The following NAV3 variants were observed in gnomAD, a reference collection of about 807,000 sequenced individuals.
NAV3 encodes the protein pore membrane and/or filament interacting like protein 1.
NAV3 carries 87 observed loss-of-function variants against 244.7 expected under a neutral mutation model. The ratio of observed to expected loss-of-function variants is 0.36; its 90% CI spans 0.30 to 0.42. The LOEUF (loss-of-function observed/expected upper bound fraction) is 0.42. Ranked by LOEUF, NAV3 falls within the 20% of genes least tolerant of loss-of-function variation. NAV3 has a pLI of 1.00. For synonymous variants in NAV3, 1,126 were observed against 1,042.2 expected, an observed-to-expected ratio of 1.08 and a Z score of -1.55; for missense variants, 2,663 against 2,893.3, an observed-to-expected ratio of 0.92 and a Z score of 1.83.
At chr12:77,833,455 G>GTC (rs1874068357) in intron 1 of NAV3, among the ~76,000 whole-genome samples, 2 of 152,206 alleles carry the variant, frequency 1.3e-5, no homozygotes, top group African/African-American at 4.8e-5. Context: ...CAGCAGGAGT[G>GTC]GCTTACGTCT....
chr12:78,031,503 G>A (rs970291152), intron 9 of NAV3, among the ~76,000 whole-genome samples: 5 of 151,964 alleles, frequency 3.3e-5, no homozygotes, highest in Non-Finnish European at 7.4e-5. Flanking sequence ...TTTTCCTGAG[G>A]TTGTTATAAG....
chr12:78,083,712 A>G (rs563298504), intron 12 of NAV3, among the ~76,000 whole-genome samples: 3 of 152,246 alleles, frequency 2.0e-5, no homozygotes, highest in Non-Finnish European at 2.9e-5. Flanking sequence ...AGGGTTGAGT[A>G]TCATGCTAAC....
intron 2 of NAV3, among the ~76,000 whole-genome samples, chr12:77,760,632 T>C (rs17044200): frequency 0.038 from 5,736 of 152,266 alleles, 363 homozygotes; most frequent in African/African-American, 0.13. Context: ...ATTCTTGGTA[T>C]AAATTAAAGA....
intron 1 of NAV3, among the ~76,000 whole-genome samples, chr12:77,855,451 C>T (rs1878252372): frequency 6.6e-6 from 1 of 152,008 alleles, no homozygotes; most frequent in Non-Finnish European, 1.5e-5. Flanking sequence ...AAGGGTATCA[C>T]AATATTTTTC....
intron 2 of NAV3, among the ~76,000 whole-genome samples, chr12:77,664,472 C>A (rs964118068): frequency 6.6e-6 from 1 of 152,120 alleles, no homozygotes; most frequent in Non-Finnish European, 1.5e-5. Flanking sequence ...TTTTAATGTG[C>A]ACTTGTAATT....
At chr12:77,841,267 C>T (rs140967258) in intron 1 of NAV3, among the ~76,000 whole-genome samples, 28 of 152,220 alleles carry the variant, frequency 1.8e-4, no homozygotes, top group East Asian at 9.7e-4. Context: ...CCTCCATAAA[C>T]GAAAAGCAAA....
chr12:78,168,879 A>G lies in NAV3; in HGVS notation c.4981+13A>G. 6.5e-7 allele frequency: 1 copy of G among 1,548,788 alleles called. No homozygotes were observed. The highest frequency in any genetic ancestry group is 8.8e-7 in the Non-Finnish European group (1 of 1,136,904). On this transcript the variant is annotated intron_variant, in intron 24 of 39. Coordinates refer to ENST00000397909, the MANE Select transcript of NAV3 (RefSeq NM_001024383.2). ...CATCCTCCCAAAGGTATATTTAGAA[A>G]TCATTTCATTTCCACCCAATATAAT...
At chr12:77,688,823 AG>A (rs889698773) in intron 2 of NAV3, among the ~76,000 whole-genome samples, 1 of 151,634 alleles carries the variant, frequency 6.6e-6, no homozygotes, top group African/African-American at 2.4e-5. Flanking sequence ...TGTAGGGAAA[AG>A]GAAGGTTATG....
rs528298020 is a variant in NAV3, at chr12:77,691,711, T to C, written c.72+119445T>C. ...GTATCTTATTGTTTTCATTTTTGAG[T>C]TATTGCTTTATATTAGATATGCTTT... On this transcript the variant is annotated intron_variant, in intron 2 of 8. Coordinates refer to the NAV3 transcript ENST00000550042. Among the ~76,000 whole-genome samples, 4 of 151,864 alleles carry C rather than the reference T, an allele frequency of 2.6e-5. No homozygotes were observed. The South Asian group carries it at 6.2e-4, about 24-fold the overall frequency.
chr12:77,968,293 G>T (rs901201965), intron 4 of NAV3, among the ~76,000 whole-genome samples: 8 of 152,106 alleles, frequency 5.3e-5, no homozygotes, highest in Non-Finnish European at 1.2e-4. Flanking sequence ...AGTGTGCTTT[G>T]TTCTTTTTAC....
intron 2 of NAV3, among the ~76,000 whole-genome samples, chr12:77,758,724 T>C (rs1274781928): frequency 6.6e-6 from 1 of 152,160 alleles, no homozygotes; most frequent in Non-Finnish European, 1.5e-5. Flanking sequence ...AAATATAAAA[T>C]ACACTTAGGC....
At chr12:78,096,627 C>T (rs186124723) in intron 12 of NAV3, among the ~76,000 whole-genome samples, 15 of 152,064 alleles carry the variant, frequency 9.9e-5, no homozygotes, top group Admixed American at 6.6e-5. Flanking sequence ...CTCCATAAAA[C>T]CATCAGATCT....
chr12:77,585,283 G>T (rs1021659772), intron 2 of NAV3, among the ~76,000 whole-genome samples: 4 of 152,168 alleles, frequency 2.6e-5, no homozygotes, highest in Admixed American at 6.5e-5. Context: ...TGGCACCAGA[G>T]ATCCTGCATT....
chr12:78,008,657 T>C (rs1041712802), intron 8 of NAV3, among the ~76,000 whole-genome samples: 26 of 99,962 alleles, frequency 2.6e-4, no homozygotes, highest in Admixed American at 4.9e-4. Context: ...CTGATTTATT[T>C]TTTTGCTCAA....
At chr12:77,609,513 T>A (rs1370724822) in intron 2 of NAV3, among the ~76,000 whole-genome samples, 1 of 152,058 alleles carries the variant, frequency 6.6e-6, no homozygotes, top group African/African-American at 2.4e-5. Flanking sequence ...TTTATGACAG[T>A]GATGCTTAAA....
chr12:77,839,729 A>G (rs1195787660), intron 1 of NAV3, among the ~76,000 whole-genome samples: 1 of 152,212 alleles, frequency 6.6e-6, no homozygotes. Context: ...AGTGGAATAG[A>G]GGAAGCAGTG....
At chr12:77,589,401 G>T (rs373996759) in intron 2 of NAV3, among the ~76,000 whole-genome samples, 2 of 151,866 alleles carry the variant, frequency 1.3e-5, no homozygotes, top group African/African-American at 4.8e-5. Context: ...TGTATTAGCC[G>T]TCTGTTCTCC....
intron 1 of NAV3, among the ~76,000 whole-genome samples, chr12:77,862,131 G>T (rs1248104563): frequency 6.6e-6 from 1 of 151,518 alleles, no homozygotes; most frequent in African/African-American, 2.4e-5. Context: ...ACAGATGTGG[G>T]ACACACATTA....
chr12:77,941,575 C>T lies in NAV3; in HGVS notation c.414+442C>T, dbSNP rs550017550. Among the ~76,000 whole-genome samples, 25 of 152,252 alleles carry T rather than the reference C, an allele frequency of 1.6e-4. No individual in the cohort carries two copies. In the South Asian group the frequency reaches 5.2e-3, roughly 32 times the overall value. Reference sequence around the variant, plus strand: ...CTTCAACACTTCTGGAAATAGTTCTCAAGGCATGCTGCTGTCAGTTTGGTG... The same window carrying T: ...CTTCAACACTTCTGGAAATAGTTCTTAAGGCATGCTGCTGTCAGTTTGGTG... On this transcript the variant is annotated intron_variant, in intron 3 of 39. Coordinates refer to ENST00000397909, the MANE Select transcript of NAV3 (RefSeq NM_001024383.2).
Sources: gnomAD v4.1 joint callset for allele counts (sites outside exome capture counted in the v4.1 genomes callset) on GRCh38, gnomAD v4.1.1 for gene constraint, MANE v1.5 for transcripts, NCBI Gene and HGNC (gene_info 2026-07-23, HGNC 2026-07-21) for gene names.